GOLGA1: variants seen among roughly 807,000 people sequenced by gnomAD.
GOLGA1 encodes the protein golgin A1.
In GOLGA1, 63 loss-of-function variants were observed where a neutral mutation model predicts 119.7. The observed-to-expected ratio is 0.53, with a 90% CI of 0.43 to 0.65. GOLGA1 has a LOEUF of 0.65. GOLGA1 is among the 30% of genes least tolerant of loss of function. The pLI is 0.00. For missense variants in GOLGA1, 798 were observed against 912.8 expected (o/e 0.87, Z 1.62); for synonymous variants, 318 against 333.4 (o/e 0.95, Z 0.50).
intron 3 of GOLGA1, 35 bp from the exon 4 acceptor site, chr9:124,931,441 A>G (rs765206482): frequency 6.9e-6 from 7 of 1,018,712 alleles, no homozygotes; most frequent in Non-Finnish European, 9.4e-6. Context: ...TCGTATTCAT[A>G]TATGTGTGAG....
At chr9:124,912,157 A>T in intron 10 of GOLGA1, 131 bp from the exon 11 acceptor site, 2 of 765,368 alleles carry the variant, frequency 2.6e-6, no homozygotes, top group South Asian at 3.7e-5. Flanking sequence ...CAGCTAAGAG[A>T]TCTTCCTGAA....
At chr9:124,896,408 G>A (rs770920347) in intron 15 of GOLGA1, among the ~76,000 whole-genome samples, 12 of 152,158 alleles carry the variant, frequency 7.9e-5, no homozygotes, top group African/African-American at 1.2e-4. Flanking sequence ...GTGAGACTCC[G>A]TCTCACATAC....
In GOLGA1 at chr9:124,926,624, C is replaced by T; in HGVS notation, c.432+85G>A. 4 of 836,850 alleles carry T rather than the reference C, an allele frequency of 4.8e-6. No homozygotes were observed. In the South Asian group the frequency reaches 5.3e-5, roughly 11 times the overall value. 51.8% of individuals were successfully genotyped at this position (836,850 alleles called of 1,614,324 possible). Reference sequence around the variant, plus strand: ...TGCTTCCAAGAGGTGGTATAGCAATCAGTATGTTGGTTACCGGATAAAACG... The same window carrying T: ...TGCTTCCAAGAGGTGGTATAGCAATTAGTATGTTGGTTACCGGATAAAACG... On this transcript the variant is annotated intron_variant, in intron 7 of 22. Transcript: ENST00000373555.
chr9:124,939,983 G>A (rs555438169), intron 2 of GOLGA1, 123 bp downstream of exon 2: 5 of 152,282 alleles, frequency 3.3e-5, no homozygotes, highest in African/African-American at 9.6e-5. Flanking sequence ...TCCATGTTTT[G>A]TGGAGGATAC....
At chr9:124,923,342 GC>G (rs1830608274) in intron 7 of GOLGA1, 119 bp from the exon 8 acceptor site, 2 of 754,954 alleles carry the variant, frequency 2.6e-6, no homozygotes, top group Non-Finnish European at 4.2e-6. Context: ...CTCACTAGTT[GC>G]CCAGGCTGGC....
intron 12 of GOLGA1, among the ~76,000 whole-genome samples, chr9:124,904,061 C>G (rs1830166283): frequency 7.9e-6 from 1 of 126,702 alleles, no homozygotes; most frequent in Non-Finnish European, 1.6e-5. Flanking sequence ...GACTCCATCT[C>G]AAAAAAATTC....
chr9:124,922,375 A>C (rs1049629151), intron 8 of GOLGA1, among the ~76,000 whole-genome samples: 1 of 151,638 alleles, frequency 6.6e-6, no homozygotes, highest in African/African-American at 2.4e-5. Flanking sequence ...TAACATGGCG[A>C]AACACCACCT....
intron 8 of GOLGA1, among the ~76,000 whole-genome samples, chr9:124,922,884 CA>C (rs1253416074): frequency 1.3e-5 from 2 of 151,510 alleles, no homozygotes; most frequent in African/African-American, 4.9e-5. Context: ...CAAAACAAAA[CA>C]AAACCCAAAA....
chr9:124,881,200 TCTC>T lies in GOLGA1; in HGVS notation c.2191_2193del (p.Glu731del). On this transcript the variant is annotated inframe_deletion, in exon 22 of 23. Transcript: ENST00000373555. This position sits in a 1 kb window ranked among gnomAD's most constrained non-coding sequence, Gnocchi z 4.9. ...TATTCCAGAGTTTCCTTGAGCATGT[TCTC>T]CTCCTCTTGGGAAAAGTTCAGCAAC... 1 of 1,588,834 alleles carries T rather than the reference TCTC, an allele frequency of 6.3e-7. No homozygotes were observed. Among genetic ancestry groups the T allele is most frequent in the Non-Finnish European group, 8.6e-7 (1 of 1,156,784 alleles).
At chr9:124,902,205 G>A (rs985832364) in intron 12 of GOLGA1, among the ~76,000 whole-genome samples, 3 of 151,390 alleles carry the variant, frequency 2.0e-5, no homozygotes, top group Non-Finnish European at 2.9e-5. Context: ...TCCACCTCCC[G>A]GGTTCACGCC....
intron 14 of GOLGA1, 128 bp from the exon 15 acceptor site, chr9:124,898,772 C>T: frequency 1.6e-6 from 1 of 629,206 alleles, no homozygotes; most frequent in South Asian, 2.0e-5. Context: ...TGGGAAGAAG[C>T]AGAGGGGACT....
intron 10 of GOLGA1, among the ~76,000 whole-genome samples, chr9:124,917,780 C>A (rs188755603): frequency 6.6e-6 from 1 of 152,122 alleles, no homozygotes; most frequent in African/African-American, 2.4e-5. Context: ...CCCTTTCTCT[C>A]CAGCCTGAGC....
chr9:124,936,985 G>T (rs1401766337), intron 3 of GOLGA1, among the ~76,000 whole-genome samples: 8 of 152,096 alleles, frequency 5.3e-5, no homozygotes, highest in Non-Finnish European at 1.0e-4. Context: ...TTAGAATAGT[G>T]GTTATGCTAT....
intron 15 of GOLGA1, among the ~76,000 whole-genome samples, chr9:124,897,393 G>A (rs1429434256): frequency 6.6e-6 from 1 of 152,114 alleles, no homozygotes; most frequent in Non-Finnish European, 1.5e-5. Flanking sequence ...CACCCAGGCT[G>A]GAGTGCAGTG....
At chr9:124,893,366 T>C (rs2131387215) in intron 15 of GOLGA1, among the ~76,000 whole-genome samples, 1 of 152,302 alleles carries the variant, frequency 6.6e-6, no homozygotes, top group South Asian at 2.1e-4. Context: ...AATTTTAAAT[T>C]TTGTCTTTTA....
At chr9:124,892,518 C>T (rs931185063) in intron 15 of GOLGA1, among the ~76,000 whole-genome samples, 5 of 152,172 alleles carry the variant, frequency 3.3e-5, no homozygotes, top group African/African-American at 4.8e-5. Context: ...GCTCTTGTCA[C>T]CCAGGCTGGA....
chr9:124,895,905 G>C (rs1829976129), intron 15 of GOLGA1, among the ~76,000 whole-genome samples: 1 of 143,064 alleles, frequency 7.0e-6, no homozygotes, highest in South Asian at 2.2e-4. Flanking sequence ...ACCCACAACA[G>C]AGAACCATCC....
intron 19 of GOLGA1, among the ~76,000 whole-genome samples, chr9:124,885,708 G>A (rs555782127): frequency 6.6e-6 from 1 of 152,122 alleles, no homozygotes; most frequent in Admixed American, 6.5e-5. Flanking sequence ...TGGGAGTGAG[G>A]CCCCTGTGGC....
At chr9:124,885,024 G>A (rs753036013) in intron 19 of GOLGA1, among the ~76,000 whole-genome samples, 6 of 151,814 alleles carry the variant, frequency 4.0e-5, no homozygotes, top group Non-Finnish European at 7.4e-5. Flanking sequence ...GCAAAACCCC[G>A]TCTCTACTAA....
Sources: gnomAD v4.1 joint callset for allele counts (sites outside exome capture counted in the v4.1 genomes callset) on GRCh38, gnomAD v4.1.1 for gene constraint, Gnocchi (gnomAD v3.1) non-coding constraint, MANE v1.5 for transcripts, NCBI Gene and HGNC (gene_info 2026-07-23, HGNC 2026-07-21) for gene names.